Variants in USP18 observed in about 807,000 individuals in gnomAD.
USP18 encodes the protein ubiquitin specific peptidase 18, also known as ubl carboxyl-terminal hydrolase 18.
Under a neutral mutation model 48.7 loss-of-function variants are expected in USP18, and 11 were observed. The observed-to-expected ratio is 0.23, with a 90% CI of 0.14 to 0.37. The LOEUF (loss-of-function observed/expected upper bound fraction) is 0.37. USP18 is among the 10% of genes least tolerant of loss of function. The pLI, the probability that USP18 is intolerant of heterozygous loss-of-function variation, is 1.00. For synonymous variants in USP18, 114 were observed against 163.2 expected, an observed-to-expected ratio of 0.70 and a Z score of 2.30; for missense variants, 285 against 436.4, an observed-to-expected ratio of 0.65 and a Z score of 3.09.
intron 4 of USP18, 138 bp from the exon 5 acceptor site, chr22:18,167,117 G>C: frequency 2.1e-6 from 2 of 943,508 alleles, no homozygotes; most frequent in African/African-American, 1.6e-5. Context: ...TTCTTCTGTC[G>C]TGCCAACTTA....
rs1477315053 is a variant in USP18 at position 18,173,240 on chromosome 22, G to T, written c.982G>T (p.Asp328Tyr). The stretch of plus-strand genomic sequence containing the variant: ...CTGTGTCTACATCCGGAATGCTGTG[G>T]ATGGAAAATGGTTCTGCTTCAATGA... ...HYCVYIRNAV[D>Y]GKWFCFNDSN... Residue 328 changes from aspartate to tyrosine, a missense_variant, in exon 9 of 11, where the codon GAT becomes TAT. Transcript: ENST00000215794. The T allele has an allele frequency of 1.2e-6, 2 of 1,605,260 alleles. No homozygotes were observed. The highest frequency in any genetic ancestry group is 3.4e-5 in the Admixed American group (2 of 59,174).
At chr22:18,168,327 G>A (rs553490888) in intron 6 of USP18, among the ~76,000 whole-genome samples, 3 of 152,180 alleles carry the variant, frequency 2.0e-5, no homozygotes, top group South Asian at 2.1e-4. Flanking sequence ...CAGGATAACC[G>A]ATTAACCCAT....
chr22:18,157,653 A>G lies in USP18; in HGVS notation c.-11A>G, dbSNP rs752527194. 1.2e-6 allele frequency: 2 copies of G among 1,613,562 alleles called. No homozygotes were observed. Among genetic ancestry groups the G allele is most frequent in the Non-Finnish European group, 1.7e-6 (2 of 1,179,872 alleles). On this transcript the variant is annotated 5_prime_UTR_variant, in exon 2 of 11. Coordinates refer to ENST00000215794, the MANE Select transcript of USP18 (RefSeq NM_017414.4). The stretch of plus-strand genomic sequence containing the variant: ...GGCAGCTGCGGCCTGGGGGTTTTGG[A>G]GTGATCACGAATGAGCAAGGCGTTT...
chr22:18,160,218 C>A lies in USP18; in HGVS notation c.204C>A (p.Ser68=), dbSNP rs752248460. ...TTGGACAGACCTGCTGCCTTAACTC[C>A]TTGATTCAGGTGTTCGTAATGAATG... ...HNIGQTCCLN[S]LIQVFVMNVD... is the part of the protein sequence containing the mutation. The change falls in exon 3 of 11, where the codon TCC becomes TCA. Residue 68 remains serine (S), a synonymous_variant. Coordinates refer to ENST00000215794, the MANE Select transcript of USP18 (RefSeq NM_017414.4). 6.2e-7 allele frequency: 1 copy of A among 1,614,088 alleles called. No homozygotes were observed. Among genetic ancestry groups the A allele is most frequent in the Non-Finnish European group, 8.5e-7 (1 of 1,180,040 alleles).
At chr22:18,151,795 G>T (rs5993018) in intron 1 of USP18, among the ~76,000 whole-genome samples, 2 of 151,908 alleles carry the variant, frequency 1.3e-5, no homozygotes, top group Non-Finnish European at 2.9e-5. Context: ...GGTGGCTCAC[G>T]CCTGTAATCC....
intron 1 of USP18, among the ~76,000 whole-genome samples, chr22:18,155,473 T>C (rs1021917472): frequency 6.6e-6 from 1 of 152,184 alleles, no homozygotes; most frequent in Non-Finnish European, 1.5e-5. Context: ...AGCCCCTTCC[T>C]GGGCTGGCCG....
At chr22:18,171,769 G>C (rs1602531961) in intron 8 of USP18, among the ~76,000 whole-genome samples, 1 of 152,012 alleles carries the variant, frequency 6.6e-6, no homozygotes, top group South Asian at 2.1e-4. Context: ...TTATTGGTCT[G>C]TTTGGCTATT....
intron 2 of USP18, among the ~76,000 whole-genome samples, chr22:18,158,165 G>A (rs1358588963): frequency 6.6e-6 from 1 of 152,192 alleles, no homozygotes; most frequent in Non-Finnish European, 1.5e-5. Context: ...GCAGGTGCCT[G>A]TAATCCCAGC....
intron 4 of USP18, among the ~76,000 whole-genome samples, chr22:18,162,521 C>T (rs1316858204): frequency 6.7e-6 from 1 of 149,902 alleles, no homozygotes; most frequent in Non-Finnish European, 1.5e-5. Context: ...AATTCTTTGT[C>T]TTTAACTTTT....
At chr22:18,174,424 G>A (rs185374292) in intron 10 of USP18, among the ~76,000 whole-genome samples, 2 of 151,786 alleles carry the variant, frequency 1.3e-5, no homozygotes, top group Non-Finnish European at 2.9e-5. Flanking sequence ...TAGAGACGGT[G>A]TTTCACCATG....
intron 4 of USP18, among the ~76,000 whole-genome samples, chr22:18,164,301 CG>C (rs1929413532): frequency 6.6e-6 from 1 of 151,664 alleles, no homozygotes. Context: ...AAGTAGGAGC[CG>C]GGCCTTTTTG....
At chr22:18,157,484 G>T in intron 1 of USP18, 74 bp from the exon 2 acceptor site, 1 of 758,194 alleles carries the variant, frequency 1.3e-6, no homozygotes, top group Non-Finnish European at 2.2e-6. Flanking sequence ...CCTGCTCTTT[G>T]GCATCAGAAC....
intron 1 of USP18, among the ~76,000 whole-genome samples, chr22:18,153,207 T>A (rs1465029419): frequency 6.6e-6 from 1 of 152,088 alleles, no homozygotes; most frequent in Non-Finnish European, 1.5e-5. Context: ...GATGGGTGGA[T>A]CACCTGAGGT....
chr22:18,157,971 G>A, intron 2 of USP18, 151 bp downstream of exon 2: 1 of 1,184,018 alleles, frequency 8.4e-7, no homozygotes, highest in Non-Finnish European at 1.2e-6. Context: ...TACAGCCTGG[G>A]CCATAGTGAA....
intron 4 of USP18, among the ~76,000 whole-genome samples, chr22:18,164,932 G>C (rs1929436262): frequency 6.6e-6 from 1 of 152,268 alleles, no homozygotes; most frequent in Non-Finnish European, 1.5e-5. Context: ...TACTGTGTCT[G>C]GGGTGGGGCT....
Position 18,161,878 on chromosome 22 carries a change from C to T in USP18, c.343C>T (p.Gln115Ter). 7 of 1,614,040 alleles carry T rather than the reference C, an allele frequency of 4.3e-6. No homozygotes were observed. Among genetic ancestry groups the T allele is most frequent in the Non-Finnish European group, 5.1e-6 (6 of 1,179,994 alleles). ...LLLEKMQDSRQKAVRPLELAY... is the reference protein window; with the variant it reads ...LLLEKMQDSR ...GCTGGAGAAGATGCAGGACAGCCGG[C>T]AGAAAGCAGTGCGGCCCCTGGAGCT... is the stretch of plus-strand genomic sequence containing the variant. Residue 115 changes from glutamine (Q) to a stop codon, truncating the protein, a stop_gained, in exon 4 of 11, where the codon CAG (glutamine) becomes TAG (stop). Transcript: ENST00000215794. LOFTEE classifies it high-confidence loss of function.
At chr22:18,159,648 T>C (rs1467167141) in intron 2 of USP18, among the ~76,000 whole-genome samples, 1 of 147,426 alleles carries the variant, frequency 6.8e-6, no homozygotes, top group Non-Finnish European at 1.5e-5. Flanking sequence ...CAGGCACCTG[T>C]CATGACACCT....
intron 1 of USP18, among the ~76,000 whole-genome samples, chr22:18,155,804 C>T (rs148255624): frequency 0.017 from 2,585 of 152,328 alleles, 32 homozygotes; most frequent in Middle Eastern, 0.054. Context: ...ACCAAGCCTC[C>T]CCGACCAGCG....
At position 18,170,620 on chromosome 22, in the gene USP18, G is replaced by A. The variant is rs1384553485; in HGVS notation, c.724-133G>A. 6.0e-5 allele frequency: 73 copies of A among 1,226,730 alleles called. 17 individuals carry two copies. Among genetic ancestry groups the A allele is most frequent in the Non-Finnish European group, 7.1e-5 (64 of 903,258 alleles). 76.0% of individuals were successfully genotyped at this position (1,226,730 alleles called of 1,614,324 possible). On this transcript the variant is annotated intron_variant, in intron 7 of 10. Coordinates refer to ENST00000215794, the MANE Select transcript of USP18 (RefSeq NM_017414.4). ...CTCAGAGGAGCTCAGCAGATTCGGC[G>A]AACAGGAGCCTTGAACTCCGTGATG...
Sources: allele counts gnomAD v4.1 joint callset (sites outside exome capture counted in the v4.1 genomes callset), GRCh38; gene constraint gnomAD v4.1.1; transcripts MANE v1.5; gene names NCBI Gene and HGNC (gene_info 2026-07-23, HGNC 2026-07-21).